PASK: variants seen among roughly 807,000 people sequenced by gnomAD.
PASK encodes PAS domain-containing serine/threonine-protein kinase.
PASK carries 110 observed loss-of-function variants against 121.0 expected under a neutral mutation model. The ratio of observed to expected loss-of-function variants is 0.91; its 90% CI spans 0.78 to 1.06. The LOEUF is 1.06. Ranked by LOEUF, PASK falls within the 50% of genes least tolerant of loss-of-function variation. The pLI is 0.00. For missense variants in PASK, 1,643 were observed against 1,702.3 expected, an observed-to-expected ratio of 0.97 and a Z score of 0.61; for synonymous variants, 686 against 717.8, an observed-to-expected ratio of 0.96 and a Z score of 0.71.
chr2:241,125,964 C>T (rs954367761), intron 10 of PASK, among the ~76,000 whole-genome samples: 17 of 152,314 alleles, frequency 1.1e-4, no homozygotes, highest in South Asian at 6.2e-4. Flanking sequence ...CTGGAACTGA[C>T]GGGCATGGGG....
rs571566209 is a variant in PASK at position 241,115,565 on chromosome 2, C to A, written c.3073-152G>T. ...ACACCAGGGCCACCTGGTCCCCAAG[C>A]ATCCCATTACACCAGGGCCACCCGG... On this transcript the variant is annotated intron_variant, in intron 12 of 17. Transcript: ENST00000234040. 2.6e-3 allele frequency: 2,197 copies of A among 856,478 alleles called. 31 individuals carry two copies. The African/African-American group carries it at 0.03, about 12-fold the overall frequency. The allele number at this position is 856,478 out of a possible 1,614,324, so 53.1% of individuals were successfully genotyped here. A position where few individuals can be genotyped will look rare whatever the true frequency, so the allele number is the denominator to read the frequency against.
chr2:241,106,613 C>T lies in PASK; in HGVS notation c.3925G>A (p.Gly1309Ser). ...GGPVPGEAPN[G>S]QGCLHPGDPR... ...TCCCCGGGATGCAAACAGCCTTGGC[C>T]ATTAGGAGCCTCGCCTGGAACGGGG... The change falls in exon 18 of 18, where the codon GGC becomes AGC. Residue 1309 changes from glycine (G) to serine (S), a missense_variant. Gly to Ser is a moderately conservative substitution (Grantham distance 56). Coordinates refer to ENST00000234040, the MANE Select transcript of PASK (RefSeq NM_015148.4). The T allele has an allele frequency of 6.2e-7, 1 of 1,614,240 alleles. No individual in the cohort carries two copies. The highest frequency in any genetic ancestry group is 2.2e-5 in the East Asian group (1 of 44,886).
intron 1 of PASK, among the ~76,000 whole-genome samples, chr2:241,145,195 G>A (rs1302421154): frequency 2.0e-5 from 3 of 152,078 alleles, no homozygotes; most frequent in Non-Finnish European, 2.9e-5. Context: ...TTACAGGCGT[G>A]AGCCACCGCG....
intron 11 of PASK, 99 bp downstream of exon 11, chr2:241,123,850 G>T: frequency 6.3e-5 from 59 of 941,866 alleles, no homozygotes; most frequent in Middle Eastern, 3.1e-4. Flanking sequence ...CAAACAGACT[G>T]TATTCCCGTC....
At chr2:241,134,843 C>G (rs532417571) in intron 8 of PASK, 1 of 152,460 alleles carries the variant, frequency 6.6e-6, no homozygotes, top group Admixed American at 6.5e-5. Context: ...ACCCTTGGGC[C>G]CCAGCCTGCC....
intron 14 of PASK, 130 bp downstream of exon 14, chr2:241,114,913 T>C (rs2065262966): frequency 3.8e-6 from 6 of 1,571,086 alleles, no homozygotes; most frequent in African/African-American, 2.7e-5. Context: ...TCCTACTCCA[T>C]GAAATCCCCA....
intron 12 of PASK, among the ~76,000 whole-genome samples, chr2:241,121,786 C>T (rs1281533076): frequency 6.6e-6 from 1 of 152,170 alleles, no homozygotes. Context: ...CAAGAAGATG[C>T]TATGATACTA....
Position 241,124,097 on chromosome 2 carries a change from C to A in PASK, c.2756G>T (p.Gly919Val). ...CCAGCAGCAGAACAGAGGTGTGGGG[C>A]CCTGGAGCTCCACCCGCCTCACCTC... ...QFEVRRVELQ[G>V]PTPLFCCWLV... Residue 919 changes from glycine (G) to valine (V), a missense_variant, in exon 11 of 18, where the codon GGC (glycine) becomes GTC (valine). Around this residue, in one of 3 missense-constraint regions of PASK, gnomAD observed 14 missense variants for 28.9 expected, o/e 0.48. Transcript: ENST00000234040. The A allele has an allele frequency of 6.2e-7, 1 of 1,613,346 alleles. No homozygotes were observed. The highest frequency in any genetic ancestry group is 8.5e-7 in the Non-Finnish European group (1 of 1,179,854).
rs542263485 is a variant in PASK at position 241,112,236 on chromosome 2, G to A, written c.3533+4C>T. The A allele has an allele frequency of 2.0e-5, 33 of 1,609,832 alleles. No individual in the cohort carries two copies. Among genetic ancestry groups the A allele is most frequent in the African/African-American group, 9.4e-5 (7 of 74,812 alleles). On this transcript the variant is annotated splice_donor_region_variant and intron_variant, in intron 15 of 17. Coordinates refer to ENST00000234040, the MANE Select transcript of PASK (RefSeq NM_015148.4). This position sits in a 1 kb window ranked among gnomAD's most constrained non-coding sequence, Gnocchi z 5.2. ...GACGGGCCGCACCGCAGCCGCATAC[G>A]TACGGATTCCCCATGAGAACTTCCG...
Position 241,114,486 on chromosome 2 carries a change from CT to C in PASK, c.3333+556del, listed in dbSNP as rs1050102622. The C allele has an allele frequency of 2.6e-5, 26 of 998,970 alleles. No individual in the cohort carries two copies. The African/African-American group carries it at 3.3e-4, about 13-fold the overall frequency. The allele number at this position is 998,970 out of a possible 1,614,324, so 61.9% of individuals were successfully genotyped here. A position where few individuals can be genotyped will look rare whatever the true frequency, so the allele number is the denominator to read the frequency against. ...CAACACGAGTTACCGTTTCTTCCCCCTGTCCCTCTGCTAGGGTGCCTTCCTA... is the reference window on the plus strand; with the variant it reads ...CAACACGAGTTACCGTTTCTTCCCCCGTCCCTCTGCTAGGGTGCCTTCCTA... On this transcript the variant is annotated intron_variant, in intron 14 of 17. Coordinates refer to ENST00000234040, the MANE Select transcript of PASK (RefSeq NM_015148.4).
rs2064960467 is a variant in PASK at position 241,108,078 on chromosome 2, G to T, written c.3667+89C>A. The T allele has an allele frequency of 8.3e-7, 1 of 1,197,650 alleles. No individual in the cohort carries two copies. The highest frequency in any genetic ancestry group is 1.2e-6 in the Non-Finnish European group (1 of 801,874). 74.2% of individuals were successfully genotyped at this position (1,197,650 alleles called of 1,614,324 possible). A position where few individuals can be genotyped will look rare whatever the true frequency, so the allele number is the denominator to read the frequency against. On this transcript the variant is annotated intron_variant, in intron 16 of 17. Coordinates refer to ENST00000234040, the MANE Select transcript of PASK (RefSeq NM_015148.4). This position sits in a 1 kb window ranked among gnomAD's most constrained non-coding sequence, Gnocchi z 5.2. ...AAATGAGACTGTTGATATGGACAGA[G>T]ATACACTGAGGAATGAGGAAATGGG...
Position 241,106,592 on chromosome 2 carries a change from C to T in PASK, c.3946G>A (p.Gly1316Arg), listed in dbSNP as rs534349867. Residue 1316 changes from glycine (G) to arginine (R), a missense_variant, in exon 18 of 18, where the codon GGG becomes AGG. By Grantham distance (125) the Gly-to-Arg change is moderately radical. This residue lies in a region of PASK where 453 missense variants were observed against 511.2 expected (regional missense o/e 0.89). Transcript: ENST00000234040. Reference protein sequence around the residue: ...APNGQGCLHPGDPRLLTS With the variant: ...APNGQGCLHPRDPRLLTS ...TAGCTGGTCAGCAGACGGGGATCCC[C>T]GGGATGCAAACAGCCTTGGCCATTA... 25 of 1,614,178 alleles carry T rather than the reference C, an allele frequency of 1.5e-5. No homozygotes were observed. In the South Asian group the frequency reaches 2.2e-4, roughly 14 times the overall value.
At chr2:241,130,761 A>C (rs2066089109) in intron 9 of PASK, among the ~76,000 whole-genome samples, 3 of 152,140 alleles carry the variant, frequency 2.0e-5, no homozygotes, top group Admixed American at 2.0e-4. Context: ...AAGCACCGGC[A>C]CATCGGCCAG....
chr2:241,108,741 C>T lies in PASK; in HGVS notation c.3534-441G>A. The T allele has an allele frequency of 3.2e-6, 1 of 311,596 alleles. No individual in the cohort carries two copies. Among genetic ancestry groups the T allele is most frequent in the Admixed American group, 4.4e-5 (1 of 22,480 alleles). 19.3% of individuals were successfully genotyped at this position (311,596 alleles called of 1,614,324 possible). A position where few individuals can be genotyped will look rare whatever the true frequency, so the allele number is the denominator to read the frequency against. On this transcript the variant is annotated intron_variant, in intron 15 of 17. Transcript: ENST00000234040. The surrounding 1 kb of genome is among the most constrained non-coding windows in gnomAD (Gnocchi z 5.2). ...CTTGGTGTGAACGGGCTTGGTGTGA[C>T]CATGGACACACATGCCCTTTAGGAA... is the stretch of plus-strand genomic sequence containing the variant.
chr2:241,118,556 CT>C (rs200127295), intron 12 of PASK, among the ~76,000 whole-genome samples: 3,704 of 152,304 alleles, frequency 0.024, 149 homozygotes, highest in African/African-American at 0.085. Context: ...AGATCAAAGA[CT>C]TACATGTAAA....
rs777996664 is a variant in PASK, at chr2:241,126,295, T to C, written c.2620A>G (p.Thr874Ala). The C allele has an allele frequency of 1.9e-6, 3 of 1,614,012 alleles. No individual in the cohort carries two copies. The African/African-American group carries it at 4.0e-5, about 22-fold the overall frequency. Residue 874 changes from threonine to alanine, a missense_variant, in exon 10 of 18, where the codon ACG becomes GCG. Around this residue, in one of 3 missense-constraint regions of PASK, gnomAD observed 1,176 missense variants for 1,162.2 expected, o/e 1.01. Transcript: ENST00000234040. ...GCCCCGCGCATCACGATCACGGGCG[T>C]GGAGGTGACCTGGACGTTCAGCCTT... ...EPRLNVQVTSTPVIVMRGAAG... is the reference protein window; with the variant it reads ...EPRLNVQVTSAPVIVMRGAAG...
rs1469214751 is a variant in PASK, at chr2:241,106,492, T to A, written c.*74A>T. 6.6e-7 allele frequency: 1 copy of A among 1,505,964 alleles called. No homozygotes were observed. Among genetic ancestry groups the A allele is most frequent in the Non-Finnish European group, 9.2e-7 (1 of 1,082,254 alleles). 93.3% of individuals were successfully genotyped at this position (1,505,964 alleles called of 1,614,324 possible). A position where few individuals can be genotyped will look rare whatever the true frequency, so the allele number is the denominator to read the frequency against. The stretch of plus-strand genomic sequence containing the variant: ...ATTGGGGATGCTTCAGAATGTATTT[T>A]CTCCAAACAGATGGAGCCTGAAAAC... On this transcript the variant is annotated 3_prime_UTR_variant, in exon 18 of 18. Transcript: ENST00000234040.
intron 10 of PASK, among the ~76,000 whole-genome samples, chr2:241,125,798 G>A (rs910352750): frequency 2.0e-5 from 3 of 151,980 alleles, no homozygotes; most frequent in African/African-American, 4.8e-5. Flanking sequence ...CATCCCTCTC[G>A]GCCTGTCTGT....
Position 241,117,125 on chromosome 2 carries a change from G to A in PASK, c.3073-1712C>T, listed in dbSNP as rs574921058. Among the ~76,000 whole-genome samples, 14 of 152,286 alleles carry A rather than the reference G, an allele frequency of 9.2e-5. 1 individual carries two copies. In the South Asian group the frequency reaches 2.3e-3, roughly 25 times the overall value. ...GTAAGTGGGCATCGGGAGGGCATCG[G>A]GGCCAGGGCGGGAGCAGGAAGAATC... is the stretch of plus-strand genomic sequence containing the variant. On this transcript the variant is annotated intron_variant, in intron 12 of 17. Coordinates refer to ENST00000234040, the MANE Select transcript of PASK (RefSeq NM_015148.4).
Sources: gnomAD v4.1 joint callset for allele counts (sites outside exome capture counted in the v4.1 genomes callset) on GRCh38, gnomAD v4.1.1 for gene constraint, gnomAD v4.1.1 regional missense constraint, Gnocchi (gnomAD v3.1) non-coding constraint, MANE v1.5 for transcripts, NCBI Gene and HGNC (gene_info 2026-07-23, HGNC 2026-07-21) for gene names.